Variants in EYS observed in about 807,000 individuals in gnomAD.
EYS encodes EGF-like photoreceptor maintenance factor.
Under a neutral mutation model 282.1 loss-of-function variants are expected in EYS, and 250 were observed. That is an observed-to-expected ratio of 0.89 (90% CI 0.80 to 0.98). The LOEUF (loss-of-function observed/expected upper bound fraction) is 0.98, where lower values mean the gene tolerates loss of function less well. Ranked by LOEUF, EYS falls within the 50% of genes least tolerant of loss-of-function variation. EYS has a pLI of 0.00. For synonymous variants in EYS, 1,355 were observed against 1,282.9 expected (o/e 1.06, Z -1.20); for missense variants, 4,016 against 3,709.0 (o/e 1.08, Z -2.15).
chr6:64,114,551 T>C (rs1008335975), intron 31 of EYS, among the ~76,000 whole-genome samples: 2 of 152,138 alleles, frequency 1.3e-5, no homozygotes, highest in Admixed American at 1.3e-4. Flanking sequence ...GCTTGGGTGA[T>C]TGATGTGCCA....
chr6:65,267,765 TCAAACAAACAAA>T (rs370338988), intron 12 of EYS, among the ~76,000 whole-genome samples: 1 of 151,814 alleles, frequency 6.6e-6, no homozygotes, highest in Non-Finnish European at 1.5e-5. Flanking sequence ...ACTTTAAAAT[TCAAACAAACAAA>T]CAAACAAACA....
chr6:64,523,050 T>G (rs1015319332), intron 26 of EYS, among the ~76,000 whole-genome samples: 29 of 129,938 alleles, frequency 2.2e-4, no homozygotes, highest in African/African-American at 1.1e-3. Context: ...TTATGAGCTG[T>G]TTTTTTTTTC....
At position 64,159,515 on chromosome 6, in the gene EYS, G is replaced by A. The variant is rs532118938; in HGVS notation, c.6424+71077C>T. Among the ~76,000 whole-genome samples the A allele has an allele frequency of 1.0e-4, 14 of 134,304 alleles. No homozygotes were observed. The South Asian group carries it at 3.4e-3, about 32-fold the overall frequency. The allele number at this position is 134,304 out of a possible 152,430, so 88.1% of individuals were successfully genotyped here. ...GCGGAGCTTGTAGAGAGCCGAGATCGCACCACTGCACTCCAGCCTGGGCGA... is the reference window on the plus strand; with the variant it reads ...GCGGAGCTTGTAGAGAGCCGAGATCACACCACTGCACTCCAGCCTGGGCGA... On this transcript the variant is annotated intron_variant, in intron 31 of 42. Coordinates refer to ENST00000503581, the MANE Select transcript of EYS (RefSeq NM_001142800.2).
At chr6:64,068,029 T>C (rs950742332) in intron 32 of EYS, among the ~76,000 whole-genome samples, 1 of 152,142 alleles carries the variant, frequency 6.6e-6, no homozygotes, top group African/African-American at 2.4e-5. Context: ...AATAGCTCTG[T>C]CAGAAAGTAT....
chr6:64,714,971 T>C (rs185333569), intron 22 of EYS, among the ~76,000 whole-genome samples: 2 of 152,034 alleles, frequency 1.3e-5, no homozygotes, highest in African/African-American at 4.8e-5. Context: ...TTTTTCTAGA[T>C]GTGTTAATAT....
intron 1 of EYS, among the ~76,000 whole-genome samples, chr6:65,680,129 T>A (rs1393389094): frequency 6.8e-6 from 1 of 146,244 alleles, no homozygotes; most frequent in Non-Finnish European, 1.5e-5. Context: ...GCAAATGTTC[T>A]CAATCAATAT....
In EYS at chr6:65,322,181, C is replaced by T. The variant is rs551250186; in HGVS notation, c.1766+12799G>A. Reference sequence around the variant, plus strand: ...AGGTCACCTTTTTCTTCATTTTATTCTTGCATATGCAAGATCTAATTATCC... The same window carrying T: ...AGGTCACCTTTTTCTTCATTTTATTTTTGCATATGCAAGATCTAATTATCC... On this transcript the variant is annotated intron_variant, in intron 11 of 42. Transcript: ENST00000503581. Among the ~76,000 whole-genome samples, 17 of 152,296 alleles carry T rather than the reference C, an allele frequency of 1.1e-4. No homozygotes were observed. In the South Asian group the frequency reaches 3.5e-3, roughly 32 times the overall value.
intron 5 of EYS, among the ~76,000 whole-genome samples, chr6:65,441,689 T>A (rs1768334403): frequency 6.6e-6 from 1 of 152,046 alleles, no homozygotes; most frequent in East Asian, 1.9e-4. Context: ...AAAGTCAACC[T>A]ACAAAATAGG....
intron 22 of EYS, among the ~76,000 whole-genome samples, chr6:64,646,144 G>A (rs1306214451): frequency 6.6e-6 from 1 of 152,152 alleles, no homozygotes; most frequent in Non-Finnish European, 1.5e-5. Context: ...AGAGAAACCG[G>A]CAGGGGCTAC....
chr6:63,884,615 A>G (rs1428007395), intron 35 of EYS, among the ~76,000 whole-genome samples: 1 of 152,184 alleles, frequency 6.6e-6, no homozygotes, highest in African/African-American at 2.4e-5. Flanking sequence ...AATACGCACC[A>G]ATTTTGTAAG....
At chr6:65,141,409 G>A (rs1764336949) in intron 12 of EYS, among the ~76,000 whole-genome samples, 1 of 151,880 alleles carries the variant, frequency 6.6e-6, no homozygotes, top group Non-Finnish European at 1.5e-5. Flanking sequence ...GAGTTAATGG[G>A]TGCAGCACAC....
intron 33 of EYS, among the ~76,000 whole-genome samples, chr6:64,026,190 G>T (rs143744414): frequency 3.9e-5 from 6 of 152,076 alleles, no homozygotes; most frequent in African/African-American, 1.2e-4. Flanking sequence ...CAACTATTCC[G>T]ATCAGCAGGG....
At chr6:63,820,203 C>T (rs893967383) in intron 36 of EYS, among the ~76,000 whole-genome samples, 1 of 152,138 alleles carries the variant, frequency 6.6e-6, no homozygotes, top group African/African-American at 2.4e-5. Flanking sequence ...CCAGTTATTA[C>T]TTTAATTGTA....
At position 63,877,215 on chromosome 6, in the gene EYS, T is replaced by C. The variant is rs544035929; in HGVS notation, c.7056-12857A>G. Among the ~76,000 whole-genome samples the C allele has an allele frequency of 5.3e-5, 8 of 152,334 alleles. No individual in the cohort carries two copies. The East Asian group carries it at 1.5e-3, about 29-fold the overall frequency. ...GCTTGTCTGTAAAGTATTTTATTTC[T>C]CCTTCACTTATGAAGCTTAGTTTGG... On this transcript the variant is annotated intron_variant, in intron 35 of 42. Coordinates refer to ENST00000503581, the MANE Select transcript of EYS (RefSeq NM_001142800.2).
At chr6:65,484,829 T>C (rs991326112) in intron 5 of EYS, among the ~76,000 whole-genome samples, 2 of 152,238 alleles carry the variant, frequency 1.3e-5, no homozygotes, top group Non-Finnish European at 2.9e-5. Flanking sequence ...CAGTAAACTA[T>C]AGCTGTGAGC....
At chr6:64,060,073 T>C (rs756953533) in intron 33 of EYS, among the ~76,000 whole-genome samples, 6 of 152,146 alleles carry the variant, frequency 3.9e-5, no homozygotes, top group Non-Finnish European at 7.4e-5. Context: ...TCTAATATCT[T>C]ATAGATTTAG....
chr6:65,612,261 G>T (rs1766029574), intron 2 of EYS, among the ~76,000 whole-genome samples: 1 of 150,726 alleles, frequency 6.6e-6, no homozygotes, highest in African/African-American at 2.4e-5. Flanking sequence ...TATTATGTAT[G>T]ACATATAATC....
At chr6:65,489,956 C>G (rs189360328) in intron 5 of EYS, 1 of 152,110 alleles carries the variant, frequency 6.6e-6, no homozygotes, top group Non-Finnish European at 1.5e-5. Flanking sequence ...GGAAGGGGAA[C>G]ATTACACATT....
chr6:65,431,985 A>G (rs1562177195), intron 5 of EYS, among the ~76,000 whole-genome samples: 1 of 152,136 alleles, frequency 6.6e-6, no homozygotes, highest in Non-Finnish European at 1.5e-5. Context: ...ATAATTTAGA[A>G]TACCAAAAAC....
Sources: allele counts gnomAD v4.1 joint callset (sites outside exome capture counted in the v4.1 genomes callset), GRCh38; gene constraint gnomAD v4.1.1; transcripts MANE v1.5; gene names NCBI Gene and HGNC (gene_info 2026-07-23, HGNC 2026-07-21).